Variants in PLEKHG1 observed in about 807,000 individuals in gnomAD.
The protein encoded by PLEKHG1 is pleckstrin homology and RhoGEF domain containing G1.
A neutral mutation model predicts 100.8 loss-of-function variants in PLEKHG1; 44 were observed. The observed-to-expected ratio is 0.44, with a 90% CI of 0.34 to 0.56. The LOEUF is 0.56. Among genes scored for constraint, PLEKHG1 ranks in the 20% least tolerant of loss-of-function variants. PLEKHG1 has a pLI of 0.01. For synonymous variants in PLEKHG1, 640 were observed against 662.5 expected (o/e 0.97, Z 0.52); for missense variants, 1,545 against 1,720.9 (o/e 0.90, Z 1.81).
chr6:150,840,385 G>A, exon 16 of PLEKHG1: 3 of 1,614,182 alleles, frequency 1.9e-6, no homozygotes, highest in Non-Finnish European at 2.5e-6. Context: ...AGTTCAAGGT[G>A]TGAGAGTCAC....
At chr6:150,654,877 A>T (rs1174552696) in intron 3 of PLEKHG1, among the ~76,000 whole-genome samples, 1 of 152,280 alleles carries the variant, frequency 6.6e-6, no homozygotes, top group Non-Finnish European at 1.5e-5. Flanking sequence ...GATTCTTGGC[A>T]GAATGCCAGA....
intron 3 of PLEKHG1, among the ~76,000 whole-genome samples, chr6:150,715,490 C>CTTT (rs35466419): frequency 5.2e-5 from 7 of 133,448 alleles, no homozygotes; most frequent in African/African-American, 1.9e-4. Context: ...TTTTCTTTTT[C>CTTT]TTTTTTTTTT....
At chr6:150,744,260 G>A (rs561013269) in intron 2 of PLEKHG1, among the ~76,000 whole-genome samples, 1 of 152,148 alleles carries the variant, frequency 6.6e-6, no homozygotes, top group South Asian at 2.1e-4. Flanking sequence ...ATTTTTAGTA[G>A]AGATGGGGTT....
chr6:150,790,051 G>A (rs185493090), intron 4 of PLEKHG1, among the ~76,000 whole-genome samples: 1 of 151,964 alleles, frequency 6.6e-6, no homozygotes, highest in Admixed American at 6.6e-5. Flanking sequence ...ACAGAGTTTC[G>A]CTCTTGTCAC....
intron 1 of PLEKHG1, among the ~76,000 whole-genome samples, chr6:150,723,922 A>T (rs576851581): frequency 1.3e-5 from 2 of 152,344 alleles, no homozygotes; most frequent in South Asian, 4.1e-4. Flanking sequence ...AAGGCTTCTC[A>T]TCCACATGTC....
chr6:150,790,883 C>T (rs1398158651), intron 4 of PLEKHG1, among the ~76,000 whole-genome samples: 3 of 152,138 alleles, frequency 2.0e-5, no homozygotes, highest in African/African-American at 7.2e-5. Context: ...AATTGCCAGG[C>T]ATGGTGGCAG....
rs79361538 is a variant in PLEKHG1 at position 150,817,861 on chromosome 6, C to T, written c.1279-322C>T. ...ACAGGCGTGAGCTACCGCGCCCAGC[C>T]GAGAATCTGCATTTTTAATAAGCTG... is the stretch of plus-strand genomic sequence containing the variant. On this transcript the variant is annotated intron_variant, in intron 10 of 15. Transcript: ENST00000358517. Among the ~76,000 whole-genome samples, 14 of 152,198 alleles carry T rather than the reference C, an allele frequency of 9.2e-5. No individual in the cohort carries two copies. In the East Asian group the frequency reaches 2.5e-3, roughly 27 times the overall value.
intron 1 of PLEKHG1, among the ~76,000 whole-genome samples, chr6:150,627,581 A>G (rs954869333): frequency 6.6e-6 from 1 of 152,190 alleles, no homozygotes; most frequent in Non-Finnish European, 1.5e-5. Context: ...GGGAAACTGC[A>G]CTTCTTTTTT....
rs2128688696 is a variant in PLEKHG1, at chr6:150,831,988, A to G, written c.2877A>G (p.Pro959=). The change falls in exon 15 of 16, where the codon CCA becomes CCG. Residue 959 remains proline, a synonymous_variant. Coordinates refer to ENST00000358517, the Ensembl canonical transcript of PLEKHG1. This position sits in a 1 kb window ranked among gnomAD's most constrained non-coding sequence, Gnocchi z 4.1. ...ACAGTGGCCTGTCTCAAACAGACCC[A>G]GAAAACCCTGACCTGGGGATGGAGG... 6.2e-7 allele frequency: 1 copy of G among 1,613,592 alleles called. No individual in the cohort carries two copies. The highest frequency in any genetic ancestry group is 8.5e-7 in the Non-Finnish European group (1 of 1,179,756).
intron 3 of PLEKHG1, among the ~76,000 whole-genome samples, chr6:150,681,908 A>G (rs1403420580): frequency 2.6e-5 from 4 of 152,184 alleles, no homozygotes; most frequent in African/African-American, 9.7e-5. Context: ...CCAGGCAGTG[A>G]TCCTTTAAAG....
chr6:150,710,905 G>A (rs539373834), intron 3 of PLEKHG1, among the ~76,000 whole-genome samples: 1 of 152,174 alleles, frequency 6.6e-6, no homozygotes, highest in African/African-American at 2.4e-5. Context: ...CCCTTTACAC[G>A]TTTCCATAGT....
intron 5 of PLEKHG1, among the ~76,000 whole-genome samples, chr6:150,796,395 C>T (rs1786334712): frequency 1.3e-5 from 2 of 152,108 alleles, no homozygotes; most frequent in African/African-American, 2.4e-5. Flanking sequence ...AGAGGGGCAT[C>T]GTCATCTCGC....
At position 150,721,248 on chromosome 6, in the gene PLEKHG1, G is replaced by A. The variant is rs143767504; in HGVS notation, c.-99+48G>A. On this transcript the variant is annotated intron_variant, in intron 1 of 15. Transcript: ENST00000358517. ...CCAAAGAAAGGATGCAGGAACAAACGCTCCTTCCCTCTGGGAGCAGCCAGA... is the reference window on the plus strand; with the variant it reads ...CCAAAGAAAGGATGCAGGAACAAACACTCCTTCCCTCTGGGAGCAGCCAGA... 1.3e-3 allele frequency: 1,090 copies of A among 855,866 alleles called. 10 individuals carry two copies. In the African/African-American group the frequency reaches 0.019, roughly 15 times the overall value. 53.0% of individuals were successfully genotyped at this position (855,866 alleles called of 1,614,324 possible).
chr6:150,776,642 G>A (rs1170906204), intron 3 of PLEKHG1, among the ~76,000 whole-genome samples: 1 of 120,204 alleles, frequency 8.3e-6, no homozygotes, highest in Non-Finnish European at 1.6e-5. Context: ...TTACACTGAT[G>A]CAATCCTGGT....
At chr6:150,768,136 A>AT (rs1020866362) in intron 2 of PLEKHG1, among the ~76,000 whole-genome samples, 3 of 152,130 alleles carry the variant, frequency 2.0e-5, no homozygotes, top group African/African-American at 7.2e-5. Context: ...TTATATGCTT[A>AT]TTTTTTTCAC....
chr6:150,678,063 CAT>C (rs201616866), intron 3 of PLEKHG1, among the ~76,000 whole-genome samples: 9,691 of 59,818 alleles, frequency 0.16, 427 homozygotes, highest in Admixed American at 0.19. Flanking sequence ...TGTTTTGATG[CAT>C]ATATATATAT....
At chr6:150,708,745 G>A (rs1016568288) in intron 3 of PLEKHG1, among the ~76,000 whole-genome samples, 6 of 152,190 alleles carry the variant, frequency 3.9e-5, no homozygotes, top group Non-Finnish European at 8.8e-5. Flanking sequence ...TGTACAGTTA[G>A]CTCAGCTGCT....
At chr6:150,640,153 C>T (rs982401682) in intron 2 of PLEKHG1, among the ~76,000 whole-genome samples, 2 of 152,252 alleles carry the variant, frequency 1.3e-5, no homozygotes, top group African/African-American at 4.8e-5. Context: ...GGCGTCCCGC[C>T]AGTAGGACCG....
chr6:150,696,684 A>T (rs1219771050), intron 3 of PLEKHG1, among the ~76,000 whole-genome samples: 2 of 152,120 alleles, frequency 1.3e-5, no homozygotes, highest in Admixed American at 6.6e-5. Flanking sequence ...TTTACAAGTG[A>T]TTTTTTTTAA....
Sources: gnomAD v4.1 joint callset for allele counts (sites outside exome capture counted in the v4.1 genomes callset) on GRCh38, gnomAD v4.1.1 for gene constraint, Gnocchi (gnomAD v3.1) non-coding constraint, MANE v1.5 for transcripts, NCBI Gene and HGNC (gene_info 2026-07-23, HGNC 2026-07-21) for gene names.